GGA2: variants seen among roughly 807,000 people sequenced by gnomAD.
GGA2 encodes golgi associated, gamma adaptin ear containing, ARF binding protein 2, also known as ADP-ribosylation factor-binding protein GGA2.
GGA2 carries 48 observed loss-of-function variants against 79.5 expected under a neutral mutation model. That is an observed-to-expected ratio of 0.60 (90% CI 0.48 to 0.77). The LOEUF (loss-of-function observed/expected upper bound fraction) is 0.77, where lower values mean the gene tolerates loss of function less well. Among genes scored for constraint, GGA2 ranks in the 30% least tolerant of loss-of-function variants. The probability of loss-of-function intolerance (pLI) is 0.00; values close to 1 mark genes in which losing one functional copy is unlikely to be tolerated. For synonymous variants in GGA2, 317 were observed against 302.0 expected (o/e 1.05, Z -0.51); for missense variants, 770 against 774.0 (o/e 0.99, Z 0.06).
intron 10 of GGA2, 40 bp from the exon 11 acceptor site, chr16:23,479,927 T>C: frequency 6.2e-7 from 1 of 1,608,672 alleles, no homozygotes; most frequent in Non-Finnish European, 8.5e-7. Context: ...CAGTTGGACA[T>C]GAGAGCAAAG....
chr16:23,475,145 G>GA, intron 13 of GGA2, 84 bp from the exon 14 acceptor site: 3 of 742,182 alleles, frequency 4.0e-6, no homozygotes, highest in Non-Finnish European at 6.6e-6. Context: ...AAAGAACAAG[G>GA]AAAAAATAAC....
intron 12 of GGA2, 72 bp from the exon 13 acceptor site, chr16:23,478,573 A>AGGAGAGCTGTGCCTTG: frequency 6.9e-7 from 1 of 1,442,502 alleles, no homozygotes; most frequent in Non-Finnish European, 9.7e-7. Context: ...ACCAAGGCAC[A>AGGAGAGCTGTGCCTTG]GCTCTCCTGA....
chr16:23,497,525 C>T (rs1049735993), intron 1 of GGA2, among the ~76,000 whole-genome samples: 1 of 152,138 alleles, frequency 6.6e-6, no homozygotes, highest in East Asian at 1.9e-4. Flanking sequence ...TGCCCACTGA[C>T]TCCATTCTAA....
rs755009535 is a variant in GGA2 at position 23,478,512 on chromosome 16, A to G, written c.1159-11T>C. The G allele has an allele frequency of 2.5e-6, 4 of 1,603,120 alleles. No homozygotes were observed. Among genetic ancestry groups the G allele is most frequent in the Non-Finnish European group, 3.4e-6 (4 of 1,172,670 alleles). On this transcript the variant is annotated splice_polypyrimidine_tract_variant and intron_variant, in intron 12 of 16. Coordinates refer to ENST00000309859, the MANE Select transcript of GGA2 (RefSeq NM_015044.4). Reference sequence around the variant, plus strand: ...ATTCTGACCAGAAACCTGTCAAATCAGGAATGGCTAAAATAAGACCAGGGT... The same window carrying G: ...ATTCTGACCAGAAACCTGTCAAATCGGGAATGGCTAAAATAAGACCAGGGT...
Position 23,469,981 on chromosome 16 carries a change from C to G in GGA2, c.1620+15G>C. 1 of 1,494,884 alleles carries G rather than the reference C, an allele frequency of 6.7e-7. No individual in the cohort carries two copies. Among genetic ancestry groups the G allele is most frequent in the Non-Finnish European group, 8.9e-7 (1 of 1,118,258 alleles). The allele number at this position is 1,494,884 out of a possible 1,614,324, so 92.6% of individuals were successfully genotyped here. ...ACGACAGCCATTACTGAGAAATCCC[C>G]AACAGATGACTCACCTTTGGCACAG... On this transcript the variant is annotated intron_variant, in intron 15 of 16. Transcript: ENST00000309859.
intron 8 of GGA2, among the ~76,000 whole-genome samples, chr16:23,484,957 A>C (rs1002818804): frequency 6.6e-6 from 1 of 152,274 alleles, no homozygotes; most frequent in African/African-American, 2.4e-5. Flanking sequence ...GGCATCATTC[A>C]TAATAGCCAA....
chr16:23,482,822 A>C, intron 9 of GGA2, 101 bp downstream of exon 9: 1 of 787,860 alleles, frequency 1.3e-6, no homozygotes, highest in Non-Finnish European at 2.3e-6. Flanking sequence ...CACGGAACCG[A>C]AAGTCCACTC....
In GGA2 at chr16:23,465,801, C is replaced by T. The variant is rs375334128; in HGVS notation, c.*1789G>A. On this transcript the variant is annotated 3_prime_UTR_variant, in exon 17 of 17. Transcript: ENST00000309859. Reference sequence around the variant, plus strand: ...ACTAAAAATACAAAAATTAGCTGGGCGTGCTGGCTCACGCCTGTAGTCCCA... The same window carrying T: ...ACTAAAAATACAAAAATTAGCTGGGTGTGCTGGCTCACGCCTGTAGTCCCA... 7 of 184,990 alleles carry T rather than the reference C, an allele frequency of 3.8e-5. No homozygotes were observed. The East Asian group carries it at 4.2e-4, about 11-fold the overall frequency. 11.5% of individuals were successfully genotyped at this position (184,990 alleles called of 1,614,324 possible).
At chr16:23,488,529 G>A (rs1001477538) in intron 6 of GGA2, 77 bp downstream of exon 6, 36 of 866,450 alleles carry the variant, frequency 4.2e-5, no homozygotes, top group South Asian at 8.2e-5. Flanking sequence ...TCCATACTCC[G>A]ATTCAAGCAT....
At chr16:23,482,242 C>T (rs867835411) in intron 9 of GGA2, among the ~76,000 whole-genome samples, 2 of 151,910 alleles carry the variant, frequency 1.3e-5, no homozygotes, top group South Asian at 2.1e-4. Flanking sequence ...CTAACCTGGA[C>T]GACAGAGCGA....
intron 9 of GGA2, among the ~76,000 whole-genome samples, chr16:23,481,529 T>C (rs1017921869): frequency 6.6e-6 from 1 of 152,130 alleles, no homozygotes; most frequent in African/African-American, 2.4e-5. Context: ...TCCCAGCACT[T>C]TGGGAAGCCA....
intron 15 of GGA2, 51 bp downstream of exon 15, chr16:23,469,945 G>C (rs747722203): frequency 3.0e-6 from 4 of 1,337,240 alleles, no homozygotes; most frequent in African/African-American, 3.0e-5. Flanking sequence ...AAAAGAACCT[G>C]GCACTCAAAA....
At chr16:23,506,371 AAAC>A (rs764348302) in intron 1 of GGA2, among the ~76,000 whole-genome samples, 1 of 152,140 alleles carries the variant, frequency 6.6e-6, no homozygotes, top group African/African-American at 2.4e-5. Context: ...TCCCAGAAGA[AAAC>A]AACAACAAAT....
Position 23,495,758 on chromosome 16 carries a change from T to C in GGA2, c.112A>G (p.Met38Val), listed in dbSNP as rs776171544. ...ATAGCTGACCAATCCTGTTCCGACA[T>C]GCTTGGGTCTGTGGCTTTGTCTGTC... Reference protein sequence around the residue: ...LWLNKATDPSMSEQDWSAIQN... With the variant: ...LWLNKATDPSVSEQDWSAIQN... The change falls in exon 2 of 17, where the codon ATG (methionine) becomes GTG (valine). Residue 38 changes from methionine (M) to valine (V), a missense_variant. Coordinates refer to ENST00000309859, the MANE Select transcript of GGA2 (RefSeq NM_015044.4). 5 of 1,611,890 alleles carry C rather than the reference T, an allele frequency of 3.1e-6. No homozygotes were observed. Among genetic ancestry groups the C allele is most frequent in the Non-Finnish European group, 2.5e-6 (3 of 1,178,152 alleles).
chr16:23,465,535 G>C lies in GGA2; in HGVS notation c.*2055C>G, dbSNP rs1245836006. 7 of 643,180 alleles carry C rather than the reference G, an allele frequency of 1.1e-5. No homozygotes were observed. The highest frequency in any genetic ancestry group is 2.0e-5 in the Non-Finnish European group (7 of 356,852). 39.8% of individuals were successfully genotyped at this position (643,180 alleles called of 1,614,324 possible). A position where few individuals can be genotyped will look rare whatever the true frequency, so the allele number is the denominator to read the frequency against. On this transcript the variant is annotated 3_prime_UTR_variant, in exon 17 of 17. Transcript: ENST00000309859. The stretch of plus-strand genomic sequence containing the variant: ...CTCCTAACTATAGGGGAGAAAGCCT[G>C]TCTTTATGTATAAGTCTCATTCACC...
intron 14 of GGA2, 23 bp downstream of exon 14, chr16:23,474,881 G>T: frequency 6.4e-7 from 1 of 1,555,612 alleles, no homozygotes; most frequent in Non-Finnish European, 8.9e-7. Context: ...AAAAAAAAAG[G>T]TGGGGAGTGA....
At chr16:23,488,792 C>G in intron 5 of GGA2, 83 bp from the exon 6 acceptor site, 1 of 775,524 alleles carries the variant, frequency 1.3e-6, no homozygotes, top group South Asian at 1.5e-5. Context: ...TCTGGAAACC[C>G]CTGGTTCCTA....
chr16:23,484,911 A>T (rs561563987), intron 8 of GGA2, among the ~76,000 whole-genome samples: 1 of 152,364 alleles, frequency 6.6e-6, no homozygotes, highest in South Asian at 2.1e-4. Flanking sequence ...AACTTGGACA[A>T]AGTTCAAAGT....
intron 2 of GGA2, among the ~76,000 whole-genome samples, chr16:23,519,041 CTTTTT>C (rs368986914): frequency 3.1e-4 from 32 of 104,576 alleles, no homozygotes; most frequent in Admixed American, 3.0e-3. Context: ...CGGATACTGT[CTTTTT>C]TTTTTTTTTT....
Sources: gnomAD v4.1 joint callset for allele counts (sites outside exome capture counted in the v4.1 genomes callset) on GRCh38, gnomAD v4.1.1 for gene constraint, MANE v1.5 for transcripts, NCBI Gene and HGNC (gene_info 2026-07-23, HGNC 2026-07-21) for gene names.